Variants in NPAS3 observed in about 807,000 individuals in gnomAD.
NPAS3 encodes neuronal PAS domain-containing protein 3.
In NPAS3, 14 loss-of-function variants were observed where a neutral mutation model predicts 73.1. The observed-to-expected ratio is 0.19, with a 90% confidence interval of 0.13 to 0.30. The LOEUF is 0.30. Ranked by LOEUF, NPAS3 falls within the 10% of genes least tolerant of loss-of-function variation. The probability of loss-of-function intolerance (pLI) is 1.00; values close to 1 mark genes in which losing one functional copy is unlikely to be tolerated. For synonymous variants in NPAS3, 620 were observed against 541.5 expected, an observed-to-expected ratio of 1.14 and a Z score of -2.01; for missense variants, 1,096 against 1,250.0, an observed-to-expected ratio of 0.88 and a Z score of 1.86.
At chr14:33,299,114 A>G (rs1460066036) in intron 3 of NPAS3, among the ~76,000 whole-genome samples, 3 of 152,148 alleles carry the variant, frequency 2.0e-5, no homozygotes, top group Non-Finnish European at 4.4e-5. Flanking sequence ...GCTGCCATAG[A>G]TCTATGTCTA....
chr14:33,443,089 C>A (rs983468840), intron 4 of NPAS3, among the ~76,000 whole-genome samples: 2 of 152,104 alleles, frequency 1.3e-5, no homozygotes, highest in Admixed American at 1.3e-4. Flanking sequence ...ACAGATTGAC[C>A]AGCTTCCCTC....
chr14:33,469,461 C>T (rs1246762708), intron 4 of NPAS3, among the ~76,000 whole-genome samples: 1 of 152,112 alleles, frequency 6.6e-6, no homozygotes, highest in Non-Finnish European at 1.5e-5. Context: ...AGGTATATAA[C>T]TTACTTAGGA....
intron 4 of NPAS3, among the ~76,000 whole-genome samples, chr14:33,498,663 G>A (rs2052338406): frequency 6.6e-6 from 1 of 151,492 alleles, no homozygotes; most frequent in South Asian, 2.1e-4. Context: ...GACACAGAGG[G>A]GAACATCACA....
chr14:33,707,309 GA>G (rs1254078376), intron 6 of NPAS3, among the ~76,000 whole-genome samples: 3 of 151,354 alleles, frequency 2.0e-5, no homozygotes, highest in Non-Finnish European at 2.9e-5. Flanking sequence ...TCGACAAGTA[GA>G]ATTCAAGAGC....
intron 1 of NPAS3, among the ~76,000 whole-genome samples, chr14:33,021,346 A>G (rs1284034750): frequency 6.6e-6 from 1 of 152,220 alleles, no homozygotes; most frequent in Non-Finnish European, 1.5e-5. Context: ...ATTGAGACAC[A>G]GAGGGCAGTT....
chr14:33,752,519 C>A (rs1437645040), intron 7 of NPAS3, among the ~76,000 whole-genome samples: 1 of 152,120 alleles, frequency 6.6e-6, no homozygotes, highest in Non-Finnish European at 1.5e-5. Flanking sequence ...TTTGTTTGGG[C>A]TTTTTGCATG....
chr14:33,695,671 A>G (rs2060356925), intron 6 of NPAS3, among the ~76,000 whole-genome samples: 6 of 152,208 alleles, frequency 3.9e-5, no homozygotes, highest in Admixed American at 3.9e-4. Context: ...AAACAGTATC[A>G]CCAAGTCTAT....
At chr14:33,422,426 T>C (rs1162250085) in intron 4 of NPAS3, among the ~76,000 whole-genome samples, 1 of 151,862 alleles carries the variant, frequency 6.6e-6, no homozygotes, top group Non-Finnish European at 1.5e-5. Flanking sequence ...GACAGAGAAA[T>C]AGGTAAAAGT....
At chr14:33,303,588 C>T (rs1052807320) in intron 3 of NPAS3, among the ~76,000 whole-genome samples, 1 of 152,042 alleles carries the variant, frequency 6.6e-6, no homozygotes, top group Non-Finnish European at 1.5e-5. Context: ...GGAAGATGGC[C>T]ATTTTTCATT....
At chr14:33,525,472 G>A (rs1337962114) in intron 4 of NPAS3, among the ~76,000 whole-genome samples, 1 of 152,188 alleles carries the variant, frequency 6.6e-6, no homozygotes, top group African/African-American at 2.4e-5. Flanking sequence ...TCAGAAGGTA[G>A]AAGTTTAGTA....
chr14:33,324,288 G>A (rs527479007), intron 3 of NPAS3, among the ~76,000 whole-genome samples: 2 of 152,276 alleles, frequency 1.3e-5, no homozygotes, highest in Admixed American at 6.5e-5. Context: ...GAATAAGGAC[G>A]AAAAGCTTCA....
intron 5 of NPAS3, among the ~76,000 whole-genome samples, chr14:33,590,158 A>G (rs1243826199): frequency 1.3e-5 from 2 of 152,338 alleles, no homozygotes; most frequent in African/African-American, 4.8e-5. Context: ...TCCTCAGTAT[A>G]TTATTTGCTA....
intron 3 of NPAS3, among the ~76,000 whole-genome samples, chr14:33,305,585 A>G (rs936772909): frequency 6.6e-6 from 1 of 152,130 alleles, no homozygotes; most frequent in African/African-American, 2.4e-5. Flanking sequence ...TTATATATTT[A>G]CTATACCTAG....
At chr14:32,950,083 A>G (rs1339738168) in intron 1 of NPAS3, among the ~76,000 whole-genome samples, 1 of 152,110 alleles carries the variant, frequency 6.6e-6, no homozygotes, top group Non-Finnish European at 1.5e-5. Context: ...ATATGAACTT[A>G]ACATTTAAAC....
chr14:33,404,630 C>T (rs936692280), intron 4 of NPAS3, among the ~76,000 whole-genome samples: 7 of 151,936 alleles, frequency 4.6e-5, no homozygotes, highest in African/African-American at 1.7e-4. Context: ...ATATTAATGA[C>T]CTGTTTTACA....
chr14:33,611,933 T>G (rs1037440684), intron 5 of NPAS3, among the ~76,000 whole-genome samples: 2 of 152,162 alleles, frequency 1.3e-5, no homozygotes, highest in African/African-American at 4.8e-5. Context: ...TTTAAAAAAT[T>G]AAATTTGAAC....
At chr14:33,578,385 G>A (rs2056532523) in intron 5 of NPAS3, 1 of 359,976 alleles carries the variant, frequency 2.8e-6, no homozygotes, top group African/African-American at 2.2e-5. Context: ...AGTAGAGACG[G>A]GTTTCTCCAT....
At chr14:33,676,377 C>G in exon 6 of NPAS3, 2 of 1,565,922 alleles carry the variant, frequency 1.3e-6, no homozygotes, top group Non-Finnish European at 1.7e-6. Flanking sequence ...TCGGAGACCC[C>G]CGAGCCAGGT....
intron 5 of NPAS3, among the ~76,000 whole-genome samples, chr14:33,563,438 G>A (rs1346811918): frequency 6.6e-6 from 1 of 151,566 alleles, no homozygotes; most frequent in Non-Finnish European, 1.5e-5. Context: ...TCATCTTGTT[G>A]TAATTATGGG....
Sources: allele counts gnomAD v4.1 joint callset (sites outside exome capture counted in the v4.1 genomes callset), GRCh38; gene constraint gnomAD v4.1.1; transcripts MANE v1.5; gene names NCBI Gene and HGNC (gene_info 2026-07-23, HGNC 2026-07-21).